LDLRAD4: variants seen among roughly 807,000 people sequenced by gnomAD.
LDLRAD4 encodes low-density lipoprotein receptor class A domain-containing protein 4.
In LDLRAD4, 5 loss-of-function variants were observed where a neutral mutation model predicts 17.0. The ratio of observed to expected loss-of-function variants is 0.29; its 90% confidence interval spans 0.15 to 0.62. LDLRAD4 has a LOEUF of 0.62. LDLRAD4 is among the 20% of genes least tolerant of loss of function. The pLI, the probability that LDLRAD4 is intolerant of heterozygous loss-of-function variation, is 0.84. For missense variants in LDLRAD4, 340 were observed against 424.7 expected, an observed-to-expected ratio of 0.80 and a Z score of 1.75; for synonymous variants, 168 against 171.8, an observed-to-expected ratio of 0.98 and a Z score of 0.17.
intron 2 of LDLRAD4, among the ~76,000 whole-genome samples, chr18:13,428,426 G>A (rs2090101648): frequency 6.6e-6 from 1 of 152,186 alleles, no homozygotes; most frequent in Non-Finnish European, 1.5e-5. Flanking sequence ...GAGGGCAAGG[G>A]GAGGCTGGAG....
chr18:13,404,778 A>G (rs891453941), intron 2 of LDLRAD4, among the ~76,000 whole-genome samples: 4 of 151,606 alleles, frequency 2.6e-5, no homozygotes, highest in Non-Finnish European at 5.9e-5. Context: ...AGCCTGGGCG[A>G]CTGAGCGAAA....
chr18:13,489,262 C>T (rs1464022399), intron 3 of LDLRAD4: 2 of 151,748 alleles, frequency 1.3e-5, no homozygotes, highest in African/African-American at 4.8e-5. Context: ...TCAAGCAATT[C>T]TCCTGCCTCA....
In LDLRAD4 at chr18:13,645,802, CT is replaced by C; in HGVS notation, c.*149del. 1.9e-6 allele frequency: 1 copy of C among 539,596 alleles called. No homozygotes were observed. Among genetic ancestry groups the C allele is most frequent in the Non-Finnish European group, 3.0e-6 (1 of 331,446 alleles). 33.4% of individuals were successfully genotyped at this position (539,596 alleles called of 1,614,324 possible). On this transcript the variant is annotated 3_prime_UTR_variant, in exon 6 of 6. Transcript: ENST00000359446. The surrounding 1 kb of genome is among the most constrained non-coding windows in gnomAD (Gnocchi z 5.7). ...CAAACACGGTCTTTGTTTCTGATTCCTTTTAGGGGAATTGCATGCAAACTAG... is the reference window on the plus strand; with the variant it reads ...CAAACACGGTCTTTGTTTCTGATTCCTTTAGGGGAATTGCATGCAAACTAG...
At chr18:13,517,823 CT>C (rs1329245777) in intron 3 of LDLRAD4, among the ~76,000 whole-genome samples, 2 of 152,182 alleles carry the variant, frequency 1.3e-5, no homozygotes, top group African/African-American at 4.8e-5. Context: ...ACTGCAAGCT[CT>C]GCCTCCCGGG....
chr18:13,530,640 C>A (rs529874067), intron 3 of LDLRAD4, among the ~76,000 whole-genome samples: 46 of 152,328 alleles, frequency 3.0e-4, no homozygotes, highest in African/African-American at 1.0e-3. Context: ...GGACTCTCTG[C>A]CCACTGAGTG....
At chr18:13,327,008 T>C (rs1233127761) in intron 1 of LDLRAD4, among the ~76,000 whole-genome samples, 2 of 152,152 alleles carry the variant, frequency 1.3e-5, no homozygotes, top group African/African-American at 4.8e-5. Context: ...GTTACCATCA[T>C]CAATACGCTA....
At chr18:13,612,953 A>C (rs1273837625) in intron 3 of LDLRAD4, 1 of 626,268 alleles carries the variant, frequency 1.6e-6, no homozygotes, top group Non-Finnish European at 2.8e-6. Flanking sequence ...TCCCTTTAGG[A>C]AGATGCATGT....
intron 2 of LDLRAD4, among the ~76,000 whole-genome samples, chr18:13,412,534 G>C (rs2088472623): frequency 6.6e-6 from 1 of 152,098 alleles, no homozygotes; most frequent in Non-Finnish European, 1.5e-5. Flanking sequence ...ATATGATATT[G>C]ATCAAGTGCC....
At chr18:13,488,513 A>G (rs1276243863) in intron 3 of LDLRAD4, 5 of 152,242 alleles carry the variant, frequency 3.3e-5, no homozygotes, top group African/African-American at 9.6e-5. Context: ...AGCGACAGTC[A>G]TTGTGGAGCC....
chr18:13,561,096 T>C (rs1376523586), intron 3 of LDLRAD4, among the ~76,000 whole-genome samples: 1 of 152,096 alleles, frequency 6.6e-6, no homozygotes, highest in Admixed American at 6.6e-5. Flanking sequence ...TATGTAAAGC[T>C]CCCCAGTTAC....
chr18:13,417,624 C>T (rs993060024), intron 2 of LDLRAD4, among the ~76,000 whole-genome samples: 2 of 152,158 alleles, frequency 1.3e-5, no homozygotes, highest in African/African-American at 2.4e-5. Flanking sequence ...TTAGTAGAGA[C>T]GGGGTTTCAC....
At chr18:13,237,253 G>A (rs1181185733) in intron 1 of LDLRAD4, among the ~76,000 whole-genome samples, 43 of 152,224 alleles carry the variant, frequency 2.8e-4, no homozygotes, top group Non-Finnish European at 1.0e-4. Flanking sequence ...TGGCGCAGGT[G>A]CCCGCTGGGA....
chr18:13,633,596 C>CCCAAATTGTGACACACCTGG (rs1214461343), intron 4 of LDLRAD4, among the ~76,000 whole-genome samples: 6 of 152,306 alleles, frequency 3.9e-5, no homozygotes, highest in Non-Finnish European at 8.8e-5. Context: ...TCAGCGCTGC[C>CCCAAATTGTGACACACCTGG]CCAAATTGTG....
intron 2 of LDLRAD4, among the ~76,000 whole-genome samples, chr18:13,434,248 G>GT (rs11422247): frequency 0.85 from 125,295 of 147,304 alleles, 54,172 homozygotes; most frequent in Non-Finnish European, 0.95. Flanking sequence ...TTTCTCCTAA[G>GT]TTTTTTTTTT....
chr18:13,564,717 C>T (rs964985405), intron 3 of LDLRAD4, among the ~76,000 whole-genome samples: 11 of 151,588 alleles, frequency 7.3e-5, no homozygotes, highest in East Asian at 1.9e-4. Flanking sequence ...TTCCTCCTGG[C>T]GGGGCCGTGA....
intron 1 of LDLRAD4, among the ~76,000 whole-genome samples, chr18:13,363,750 T>C (rs1186060475): frequency 6.6e-6 from 1 of 152,218 alleles, no homozygotes; most frequent in Non-Finnish European, 1.5e-5. Flanking sequence ...AAATATTGGT[T>C]GTGGTCTCAC....
rs1426233422 is a variant in LDLRAD4 at position 13,602,863 on chromosome 18, TC to T, written c.182-18251del. 2.0e-5 allele frequency among the ~76,000 whole-genome samples: 3 copies of T among 152,082 alleles called. No homozygotes were observed. The East Asian group carries it at 5.8e-4, about 29-fold the overall frequency. On this transcript the variant is annotated intron_variant, in intron 3 of 5. Coordinates refer to ENST00000359446, the Ensembl canonical transcript of LDLRAD4. ...ATAAGTAAAATATTGAACTAAGCAA[TC>T]CCTCCAGGCACATCATGGCTTTCAG... is the stretch of plus-strand genomic sequence containing the variant.
In LDLRAD4 at chr18:13,233,165, C is replaced by T. The variant is rs147897522; in HGVS notation, c.-467+14177C>T. On this transcript the variant is annotated intron_variant, in intron 1 of 5. Coordinates refer to the LDLRAD4 transcript ENST00000399848. ...AGGCGCCTGTCCTGAAGGACGTGAG[C>T]GGGCGAAGTGCTCTTGGGTCTGCTT... Among the ~76,000 whole-genome samples the T allele has an allele frequency of 3.9e-5, 6 of 152,346 alleles. No homozygotes were observed. In the East Asian group the frequency reaches 7.7e-4, roughly 20 times the overall value.
At chr18:13,227,978 C>T (rs1054046381) in intron 1 of LDLRAD4, among the ~76,000 whole-genome samples, 19 of 152,212 alleles carry the variant, frequency 1.2e-4, no homozygotes, top group African/African-American at 4.6e-4. Flanking sequence ...TGCCTAGGTG[C>T]GTGAGCCCAG....
Sources: gnomAD v4.1 joint callset for allele counts (sites outside exome capture counted in the v4.1 genomes callset) on GRCh38, gnomAD v4.1.1 for gene constraint, Gnocchi (gnomAD v3.1) non-coding constraint, MANE v1.5 for transcripts, NCBI Gene and HGNC (gene_info 2026-07-23, HGNC 2026-07-21) for gene names.